The following GALNT18 variants were observed in gnomAD, a reference collection of about 807,000 sequenced individuals.
GALNT18 encodes GalNAc-transferase 18.
A neutral mutation model predicts 69.5 loss-of-function variants in GALNT18; 44 were observed. The observed-to-expected ratio is 0.63, with a 90% CI of 0.50 to 0.81. GALNT18 has a LOEUF of 0.81. Ranked by LOEUF, GALNT18 falls within the 40% of genes least tolerant of loss-of-function variation. The probability of loss-of-function intolerance (pLI) is 0.00; values close to 1 mark genes in which losing one functional copy is unlikely to be tolerated. For synonymous variants in GALNT18, 364 were observed against 318.2 expected (o/e 1.14, Z -1.53); for missense variants, 715 against 810.0 (o/e 0.88, Z 1.42).
chr11:11,274,794 C>T (rs181129194), intron 10 of GALNT18, among the ~76,000 whole-genome samples: 25 of 152,218 alleles, frequency 1.6e-4, no homozygotes, highest in African/African-American at 3.4e-4. Flanking sequence ...AGTGAGAACA[C>T]GTGGTGTTTG....
rs1858568475 is a variant in GALNT18 at position 11,563,591 on chromosome 11, C to T, written c.235+57768G>A. ...TGTATCATCTCATCTGACTATCACTCCATCCTCATGTCACAAGTGAGGAAA... is the reference window on the plus strand; with the variant it reads ...TGTATCATCTCATCTGACTATCACTTCATCCTCATGTCACAAGTGAGGAAA... On this transcript the variant is annotated intron_variant, in intron 1 of 10. Coordinates refer to ENST00000227756, the MANE Select transcript of GALNT18 (RefSeq NM_198516.3). The surrounding 1 kb of genome is among the most constrained non-coding windows in gnomAD (Gnocchi z 4.6). Among the ~76,000 whole-genome samples the T allele has an allele frequency of 6.6e-6, 1 of 152,254 alleles. No homozygotes were observed. Among genetic ancestry groups the T allele is most frequent in the African/African-American group, 2.4e-5 (1 of 41,468 alleles).
At chr11:11,588,520 G>A (rs557256127) in intron 1 of GALNT18, among the ~76,000 whole-genome samples, 5 of 152,298 alleles carry the variant, frequency 3.3e-5, no homozygotes, top group African/African-American at 1.2e-4. Flanking sequence ...AGATCAGACA[G>A]GTGCTGGGCT....
At position 11,543,360 on chromosome 11, in the gene GALNT18, C is replaced by T. The variant is rs1857969339; in HGVS notation, c.235+77999G>A. Among the ~76,000 whole-genome samples, 1 of 152,192 alleles carries T rather than the reference C, an allele frequency of 6.6e-6. No individual in the cohort carries two copies. The highest frequency in any genetic ancestry group is 1.5e-5 in the Non-Finnish European group (1 of 68,028). ...GGCAGGAATCCTTAGTAGGCCACCTCAGCTGGAGTGACAGGGACGTGGTGA... is the reference window on the plus strand; with the variant it reads ...GGCAGGAATCCTTAGTAGGCCACCTTAGCTGGAGTGACAGGGACGTGGTGA... On this transcript the variant is annotated intron_variant, in intron 1 of 10. Coordinates refer to ENST00000227756, the MANE Select transcript of GALNT18 (RefSeq NM_198516.3). The surrounding 1 kb of genome is among the most constrained non-coding windows in gnomAD (Gnocchi z 5.1).
chr11:11,282,749 C>T (rs559021313), intron 10 of GALNT18, among the ~76,000 whole-genome samples: 1 of 152,252 alleles, frequency 6.6e-6, no homozygotes, highest in South Asian at 2.1e-4. Flanking sequence ...TTAATCCTTC[C>T]ATCCATTCAA....
At chr11:11,312,251 T>G (rs1056409540) in intron 9 of GALNT18, among the ~76,000 whole-genome samples, 17 of 152,204 alleles carry the variant, frequency 1.1e-4, no homozygotes, top group African/African-American at 3.9e-4. Context: ...GCCCGGCCCA[T>G]GTATAACTTT....
intron 8 of GALNT18, 61 bp from the exon 9 acceptor site, chr11:11,327,242 T>G (rs1849938990): frequency 6.5e-6 from 8 of 1,233,652 alleles, no homozygotes; most frequent in African/African-American, 1.5e-5. Flanking sequence ...GCAAATGAAT[T>G]AACTCTGGAG....
At chr11:11,400,697 G>A (rs753038286) in intron 3 of GALNT18, among the ~76,000 whole-genome samples, 6 of 151,878 alleles carry the variant, frequency 4.0e-5, no homozygotes, top group African/African-American at 1.5e-4. Flanking sequence ...GAGTTCTCTA[G>A]GATTCCTTTC....
At position 11,586,633 on chromosome 11, in the gene GALNT18, A is replaced by G. The variant is rs746760545; in HGVS notation, c.235+34726T>C. On this transcript the variant is annotated intron_variant, in intron 1 of 10. Transcript: ENST00000227756. The surrounding 1 kb of genome is among the most constrained non-coding windows in gnomAD (Gnocchi z 4.1). The stretch of plus-strand genomic sequence containing the variant: ...TTTAAAAAAAATAAAACGTTTCAGC[A>G]TTTATATTTAGCTGGTATGCACTGG... Among the ~76,000 whole-genome samples, 1 of 152,158 alleles carries G rather than the reference A, an allele frequency of 6.6e-6. No individual in the cohort carries two copies. The highest frequency in any genetic ancestry group is 6.5e-5 in the Admixed American group (1 of 15,272).
chr11:11,594,816 C>CAT (rs1206038267), intron 1 of GALNT18, among the ~76,000 whole-genome samples: 4,156 of 121,236 alleles, frequency 0.034, 93 homozygotes, highest in African/African-American at 0.07. Flanking sequence ...TTATCTTGGG[C>CAT]ATATATATAT....
rs140248480 is a variant in GALNT18, at chr11:11,404,194, G to A, written c.596-24930C>T. Among the ~76,000 whole-genome samples the A allele has an allele frequency of 7.2e-4, 109 of 152,322 alleles. No homozygotes were observed. Among genetic ancestry groups the A allele is most frequent in the African/African-American group, 2.4e-3 (100 of 41,584 alleles). On this transcript the variant is annotated intron_variant, in intron 3 of 10. Transcript: ENST00000227756. The surrounding 1 kb of genome is among the most constrained non-coding windows in gnomAD (Gnocchi z 4.5). ...AGTGAGTGTCTAGGGGAGTTCATGCGTGCACGGCATGGAGCCAATTATCGC... is the reference window on the plus strand; with the variant it reads ...AGTGAGTGTCTAGGGGAGTTCATGCATGCACGGCATGGAGCCAATTATCGC...
At chr11:11,526,690 T>C (rs11021900) in intron 1 of GALNT18, among the ~76,000 whole-genome samples, 7,420 of 152,154 alleles carry the variant, frequency 0.049, 234 homozygotes, top group Middle Eastern at 0.082. Flanking sequence ...CACCCTTACA[T>C]TGGGAAAAGA....
Position 11,601,948 on chromosome 11 carries a change from G to C in GALNT18, c.235+19411C>G, listed in dbSNP as rs374862487. Among the ~76,000 whole-genome samples the C allele has an allele frequency of 2.6e-5, 4 of 152,238 alleles. No homozygotes were observed. In the East Asian group the frequency reaches 7.7e-4, roughly 29 times the overall value. ...AGAACTTACTGTGCTAGGTCGTCTA[G>C]CTGGCCTACTCTGTTTGTTTTGTTG... On this transcript the variant is annotated intron_variant, in intron 1 of 10. Coordinates refer to ENST00000227756, the MANE Select transcript of GALNT18 (RefSeq NM_198516.3). This position sits in a 1 kb window ranked among gnomAD's most constrained non-coding sequence, Gnocchi z 4.0.
intron 9 of GALNT18, among the ~76,000 whole-genome samples, chr11:11,306,268 TGC>T (rs1423892006): frequency 1.3e-5 from 2 of 152,298 alleles, no homozygotes; most frequent in East Asian, 3.9e-4. Context: ...TGCACGAGTA[TGC>T]ACAGATAACA....
intron 3 of GALNT18, among the ~76,000 whole-genome samples, chr11:11,407,808 C>A (rs2403517): frequency 6.6e-6 from 1 of 152,054 alleles, no homozygotes; most frequent in Non-Finnish European, 1.5e-5. Context: ...CCTGGGATTA[C>A]GAGCAGCAGG....
intron 3 of GALNT18, among the ~76,000 whole-genome samples, chr11:11,401,058 G>C (rs996063194): frequency 1.3e-5 from 2 of 152,180 alleles, no homozygotes; most frequent in African/African-American, 2.4e-5. Context: ...AGTGAGACGA[G>C]ATCAGGGGAA....
intron 1 of GALNT18, among the ~76,000 whole-genome samples, chr11:11,478,478 A>T (rs1334310992): frequency 6.6e-6 from 1 of 152,228 alleles, no homozygotes; most frequent in East Asian, 1.9e-4. Context: ...GGACTCCCTG[A>T]GATGAAGCCG....
chr11:11,612,858 T>G (rs561019650), intron 1 of GALNT18, among the ~76,000 whole-genome samples: 1 of 152,236 alleles, frequency 6.6e-6, no homozygotes, highest in Non-Finnish European at 1.5e-5. Flanking sequence ...CTTCTCTGGA[T>G]CTTCCCAAAC....
rs1034156734 is a variant in GALNT18, at chr11:11,339,510, G to T, written c.1278+1309C>A. Among the ~76,000 whole-genome samples the T allele has an allele frequency of 2.0e-5, 3 of 152,132 alleles. No homozygotes were observed. Among genetic ancestry groups the T allele is most frequent in the African/African-American group, 7.2e-5 (3 of 41,426 alleles). ...TGGTGAGCTCCTGGGGAGTTTCCAA[G>T]TGTTCTTAATATTTTGCCATCACAG... On this transcript the variant is annotated intron_variant, in intron 7 of 10. Coordinates refer to ENST00000227756, the MANE Select transcript of GALNT18 (RefSeq NM_198516.3). This position sits in a 1 kb window ranked among gnomAD's most constrained non-coding sequence, Gnocchi z 5.2.
chr11:11,514,334 T>C (rs995359140), intron 1 of GALNT18, among the ~76,000 whole-genome samples: 11 of 152,156 alleles, frequency 7.2e-5, no homozygotes, highest in African/African-American at 2.2e-4. Flanking sequence ...GGCTCCCCAT[T>C]TGGAATAGCA....
Sources: allele counts gnomAD v4.1 joint callset (sites outside exome capture counted in the v4.1 genomes callset), GRCh38; gene constraint gnomAD v4.1.1; non-coding constraint Gnocchi (gnomAD v3.1); transcripts MANE v1.5; gene names NCBI Gene and HGNC (gene_info 2026-07-23, HGNC 2026-07-21).